Variants in LIMD1 observed in about 807,000 individuals in gnomAD.
LIMD1 encodes LIM domain containing 1.
LIMD1 carries 23 observed loss-of-function variants against 58.4 expected under a neutral mutation model. The observed-to-expected ratio is 0.39, with a 90% CI of 0.28 to 0.56. LIMD1 has a LOEUF of 0.56. Among genes scored for constraint, LIMD1 ranks in the 20% least tolerant of loss-of-function variants. LIMD1 has a pLI of 0.57. For missense variants in LIMD1, 838 were observed against 855.5 expected (o/e 0.98, Z 0.25); for synonymous variants, 334 against 345.5 (o/e 0.97, Z 0.37).
rs144135308 is a variant in LIMD1 at position 45,611,762 on chromosome 3, G to A, written c.1408+15475G>A. 3.7e-3 allele frequency among the ~76,000 whole-genome samples: 570 copies of A among 152,310 alleles called. 2 individuals carry two copies. The highest frequency in any genetic ancestry group is 6.3e-3 in the Admixed American group (96 of 15,302). On this transcript the variant is annotated intron_variant, in intron 1 of 7. Coordinates refer to ENST00000273317, the MANE Select transcript of LIMD1 (RefSeq NM_014240.3). ...TGACATCACTGAGGCTTTGCTTGCAGGTGGCAGGGACTTACACAGAGGCTC... is the reference window on the plus strand; with the variant it reads ...TGACATCACTGAGGCTTTGCTTGCAAGTGGCAGGGACTTACACAGAGGCTC...
At chr3:45,611,689 G>A (rs1316839684) in intron 1 of LIMD1, among the ~76,000 whole-genome samples, 1 of 152,340 alleles carries the variant, frequency 6.6e-6, no homozygotes, top group African/African-American at 2.4e-5. Context: ...AGGCTGGGAG[G>A]TGGCTTTCCA....
At position 45,596,147 on chromosome 3, in the gene LIMD1, G is replaced by C. The variant is rs1214655325; in HGVS notation, c.1268G>C (p.Ser423Thr). The change falls in exon 1 of 8, where the codon AGC becomes ACC. Residue 423 changes from serine (S) to threonine (T), a missense_variant. By Grantham distance (58) the Ser-to-Thr change is moderately conservative (BLOSUM62 1). This residue lies in a region of LIMD1 where 659 missense variants were observed against 639.8 expected (regional missense o/e 1.03). Coordinates refer to ENST00000273317, the MANE Select transcript of LIMD1 (RefSeq NM_014240.3). ...GGATCTGTGCTCCTGGACAGCCCCA[G>C]CTCCCCTAGGGTAAGGCTGCCCTGC... ...SLGSVLLDSP[S>T]SPRVRLPCQP... is the part of the protein sequence containing the mutation. 3 of 1,614,140 alleles carry C rather than the reference G, an allele frequency of 1.9e-6. No individual in the cohort carries two copies. Among genetic ancestry groups the C allele is most frequent in the South Asian group, 1.1e-5 (1 of 91,080 alleles).
chr3:45,671,069 A>G (rs1282212718), intron 4 of LIMD1, among the ~76,000 whole-genome samples: 1 of 152,240 alleles, frequency 6.6e-6, no homozygotes, highest in Admixed American at 6.5e-5. Context: ...GACAGCATTC[A>G]TCTTGGGGAA....
chr3:45,634,982 C>T (rs1176022696), intron 1 of LIMD1: 2 of 152,152 alleles, frequency 1.3e-5, no homozygotes, highest in East Asian at 1.9e-4. Flanking sequence ...TCATGCCTGT[C>T]ATCCCGGCAC....
intron 1 of LIMD1, 88 bp downstream of exon 1, chr3:45,596,375 G>A (rs892248090): frequency 9.4e-7 from 1 of 1,060,916 alleles, no homozygotes; most frequent in Non-Finnish European, 1.4e-6. Context: ...GATGCTGTGG[G>A]CTGTAGTTAC....
intron 1 of LIMD1, among the ~76,000 whole-genome samples, chr3:45,617,806 C>T (rs756581598): frequency 2.4e-4 from 37 of 152,092 alleles, no homozygotes; most frequent in Non-Finnish European, 3.5e-4. Context: ...AGCGGGAGGA[C>T]GGGAAGGGCT....
At position 45,595,048 on chromosome 3, in the gene LIMD1, C is replaced by T. The variant is rs148581681; in HGVS notation, c.169C>T (p.Leu57Phe). 3.5e-5 allele frequency: 57 copies of T among 1,613,706 alleles called. No individual in the cohort carries two copies. The highest frequency in any genetic ancestry group is 4.0e-5 in the Non-Finnish European group (47 of 1,180,014). Reference sequence around the variant, plus strand: ...CGCCACCAAGATGGCCAAAATCCACCTCCAGCAGCAGCAGCAGCAGCTCCT... The same window carrying T: ...CGCCACCAAGATGGCCAAAATCCACTTCCAGCAGCAGCAGCAGCAGCTCCT... ...VFATKMAKIH[L>F]QQQQQQLLQE... is the part of the protein sequence containing the mutation. The change falls in exon 1 of 8, where the codon CTC (leucine) becomes TTC (phenylalanine). Residue 57 changes from leucine (L) to phenylalanine (F), a missense_variant. Leu to Phe is a conservative substitution (Grantham distance 22). Around this residue, in one of 3 missense-constraint regions of LIMD1, gnomAD observed 659 missense variants for 639.8 expected, o/e 1.03. Coordinates refer to ENST00000273317, the MANE Select transcript of LIMD1 (RefSeq NM_014240.3).
chr3:45,612,083 C>CTT (rs1323349844), intron 1 of LIMD1, among the ~76,000 whole-genome samples: 7 of 151,866 alleles, frequency 4.6e-5, no homozygotes, highest in Admixed American at 6.6e-5. Flanking sequence ...CTCTCTCTCT[C>CTT]TCTCTCTCTC....
chr3:45,644,081 T>G (rs1243557804), intron 2 of LIMD1, among the ~76,000 whole-genome samples: 2 of 152,228 alleles, frequency 1.3e-5, no homozygotes, highest in Admixed American at 6.5e-5. Flanking sequence ...AAGAAAGCCT[T>G]TCTTAGTAAT....
At position 45,650,558 on chromosome 3, in the gene LIMD1, A is replaced by G. The variant is rs935474111; in HGVS notation, c.1510+14307A>G. ...TGTGTCCACGTGTTCTGATTGTTCA[A>G]CTCCCACTTATGAGTGAGAACATGC... On this transcript the variant is annotated intron_variant, in intron 2 of 7. Transcript: ENST00000273317. 2.3e-5 allele frequency among the ~76,000 whole-genome samples: 3 copies of G among 128,680 alleles called. No homozygotes were observed. In the East Asian group the frequency reaches 6.9e-4, roughly 30 times the overall value. The allele number at this position is 128,680 out of a possible 152,430, so 84.4% of individuals were successfully genotyped here. A position where few individuals can be genotyped will look rare whatever the true frequency, so the allele number is the denominator to read the frequency against.
chr3:45,680,898 T>A lies in LIMD1; in HGVS notation c.*3839T>A, dbSNP rs991832538. On this transcript the variant is annotated 3_prime_UTR_variant, in exon 8 of 8. Transcript: ENST00000273317. The stretch of plus-strand genomic sequence containing the variant: ...GGTGGCGCACGCCTGTAATCCCAGC[T>A]ACCTGAGAGGTTGAGGCAGGAGAAT... 6.4e-6 allele frequency: 1 copy of A among 155,440 alleles called. No homozygotes were observed. The highest frequency in any genetic ancestry group is 1.4e-5 in the Non-Finnish European group (1 of 70,954). 9.6% of individuals were successfully genotyped at this position (155,440 alleles called of 1,614,324 possible).
chr3:45,651,823 G>C (rs1382803946), intron 2 of LIMD1, among the ~76,000 whole-genome samples: 1 of 151,498 alleles, frequency 6.6e-6, no homozygotes, highest in Non-Finnish European at 1.5e-5. Flanking sequence ...GTAGAGACAG[G>C]GTTTTGCCAC....
intron 1 of LIMD1, among the ~76,000 whole-genome samples, chr3:45,635,451 G>T (rs527432560): frequency 4.6e-5 from 7 of 152,238 alleles, no homozygotes; most frequent in Non-Finnish European, 8.8e-5. Flanking sequence ...GGACTTGTTA[G>T]GGGGTGAGGA....
chr3:45,606,982 C>T (rs780160307), intron 1 of LIMD1, among the ~76,000 whole-genome samples: 9 of 152,060 alleles, frequency 5.9e-5, no homozygotes, highest in African/African-American at 2.4e-5. Flanking sequence ...TTAGTGGAGA[C>T]GGGGTTTCAC....
In LIMD1 at chr3:45,636,211, G is replaced by T. The variant is rs752493243; in HGVS notation, c.1470G>T (p.Gly490=). The T allele has an allele frequency of 6.2e-7, 1 of 1,613,300 alleles. No homozygotes were observed. Residue 490 remains glycine (G), a synonymous_variant, in exon 2 of 8, where the codon GGG becomes GGT. Coordinates refer to ENST00000273317, the MANE Select transcript of LIMD1 (RefSeq NM_014240.3). ...CTGGCCAGGCCTGTCAGGCCATGGG[G>T]AACCTCTACCATGACACATGCTTCA... is the stretch of plus-strand genomic sequence containing the variant. ...FGAGQACQAM[G]NLYHDTCFTC...
intron 1 of LIMD1, among the ~76,000 whole-genome samples, chr3:45,610,299 C>T (rs1464762002): frequency 6.6e-6 from 1 of 152,178 alleles, no homozygotes. Flanking sequence ...CACATTCTGG[C>T]ATCAATCCAT....
intron 1 of LIMD1, among the ~76,000 whole-genome samples, chr3:45,629,141 C>T (rs1017341483): frequency 2.6e-5 from 4 of 152,060 alleles, no homozygotes; most frequent in South Asian, 4.2e-4. Context: ...GGGCTGGGCA[C>T]GGTGGTTCAC....
At chr3:45,659,080 AG>A (rs1459688380) in intron 2 of LIMD1, among the ~76,000 whole-genome samples, 1 of 152,198 alleles carries the variant, frequency 6.6e-6, no homozygotes, top group Non-Finnish European at 1.5e-5. Context: ...AAATATGTGA[AG>A]TAAAGTGAAA....
chr3:45,663,800 C>T (rs1314150194), intron 2 of LIMD1, among the ~76,000 whole-genome samples: 1 of 151,624 alleles, frequency 6.6e-6, no homozygotes, highest in Non-Finnish European at 1.5e-5. Flanking sequence ...CTGCAATCTC[C>T]ACCTCCTGGG....
Sources: allele counts gnomAD v4.1 joint callset (sites outside exome capture counted in the v4.1 genomes callset), GRCh38; gene constraint gnomAD v4.1.1; regional missense constraint gnomAD v4.1.1; transcripts MANE v1.5; gene names NCBI Gene and HGNC (gene_info 2026-07-23, HGNC 2026-07-21).